Variants in ETS1 observed in about 807,000 individuals in gnomAD.
ETS1 encodes ETS proto-oncogene 1, transcription factor, also known as protein C-ets-1.
In ETS1, 15 loss-of-function variants were observed where a neutral mutation model predicts 58.6. The observed-to-expected ratio is 0.26, with a 90% CI of 0.17 to 0.39. The LOEUF is 0.39. Among genes scored for constraint, ETS1 ranks in the 10% least tolerant of loss-of-function variants. The pLI, the probability that ETS1 is intolerant of heterozygous loss-of-function variation, is 1.00. For missense variants in ETS1, 417 were observed against 610.5 expected (o/e 0.68, Z 3.34); for synonymous variants, 214 against 218.2 (o/e 0.98, Z 0.17).
chr11:128,555,215 G>A (rs1392726406), intron 3 of ETS1, among the ~76,000 whole-genome samples: 7 of 152,148 alleles, frequency 4.6e-5, no homozygotes, highest in African/African-American at 1.7e-4. Context: ...ACAGCCCATG[G>A]AGTGCCACAG....
At position 128,464,867 on chromosome 11, in the gene ETS1, G is replaced by A. The variant is rs981608921; in HGVS notation, c.1124-1240C>T. 5.3e-5 allele frequency among the ~76,000 whole-genome samples: 8 copies of A among 152,104 alleles called. No individual in the cohort carries two copies. The highest frequency in any genetic ancestry group is 3.2e-3 in the Middle Eastern group (1 of 316). Reference sequence around the variant, plus strand: ...TCTACAAGACATTTTCACATGCATCGTTGTGCTTGCTCCTAAAATCCACAC... The same window carrying A: ...TCTACAAGACATTTTCACATGCATCATTGTGCTTGCTCCTAAAATCCACAC... On this transcript the variant is annotated intron_variant, in intron 8 of 9. Coordinates refer to ENST00000392668, the MANE Select transcript of ETS1 (RefSeq NM_001143820.2). The surrounding 1 kb of genome is among the most constrained non-coding windows in gnomAD (Gnocchi z 4.1).
intron 1 of ETS1, among the ~76,000 whole-genome samples, chr11:128,578,439 C>T (rs948550935): frequency 1.3e-5 from 2 of 152,106 alleles, no homozygotes; most frequent in Admixed American, 6.5e-5. Context: ...AAAAACTACG[C>T]TTTTAGGTAA....
chr11:128,560,185 T>C (rs1864382578), intron 2 of ETS1, among the ~76,000 whole-genome samples: 1 of 152,046 alleles, frequency 6.6e-6, no homozygotes, highest in Admixed American at 6.5e-5. Context: ...CAATCTCGGC[T>C]CACTGCAACC....
At position 128,573,057 on chromosome 11, in the gene ETS1, C is replaced by T. The variant is rs372368590; in HGVS notation, c.69+5G>A. ...CAAAGGGGCAGGGAAGGGGCCACCA[C>T]TCACCACCACTGCAGGACGAGGCGC... On this transcript the variant is annotated splice_donor_5th_base_variant and intron_variant, in intron 2 of 9. Coordinates refer to ENST00000392668, the MANE Select transcript of ETS1 (RefSeq NM_001143820.2). The T allele has an allele frequency of 1.2e-6, 2 of 1,601,992 alleles. No individual in the cohort carries two copies. The highest frequency in any genetic ancestry group is 1.7e-5 in the Admixed American group (1 of 58,484).
Position 128,511,998 on chromosome 11 carries a change from T to C in ETS1, c.215-21422A>G, listed in dbSNP as rs970838530. The stretch of plus-strand genomic sequence containing the variant: ...AAATGCTACCAGATATAGCCAAGTA[T>C]TAAGATGAACTAGCAAACAATATGC... On this transcript the variant is annotated intron_variant, in intron 3 of 9. Transcript: ENST00000392668. Among the ~76,000 whole-genome samples, 16 of 152,324 alleles carry C rather than the reference T, an allele frequency of 1.1e-4. No individual in the cohort carries two copies. In the East Asian group the frequency reaches 3.1e-3, roughly 29 times the overall value.
intron 3 of ETS1, chr11:128,526,895 A>G (rs1863811266): frequency 4.4e-6 from 2 of 455,934 alleles, no homozygotes; most frequent in Admixed American, 4.7e-5. Context: ...ACCAGAGGTG[A>G]AAAATGAGTG....
chr11:128,585,101 AAGGAAGGAAGGAAGGAAAGAAAG>A (rs1864976679), intron 1 of ETS1, among the ~76,000 whole-genome samples: 1 of 28,898 alleles, frequency 3.5e-5, no homozygotes, highest in Non-Finnish European at 6.0e-5. Context: ...GAAAGAAAGA[AAGGAAGGAAGGAAGGAAAGAAAG>A]AAGAAAGAAA....
At chr11:128,544,367 A>ATATATATATATATATATATATG (rs1491442597) in intron 3 of ETS1, among the ~76,000 whole-genome samples, 6 of 143,606 alleles carry the variant, frequency 4.2e-5, no homozygotes, top group African/African-American at 1.5e-4. Context: ...ATATATATAT[A>ATATATATATATATATATATATG]TGGAATTTCC....
chr11:128,474,700 C>T (rs767665062), intron 8 of ETS1, among the ~76,000 whole-genome samples: 1 of 152,170 alleles, frequency 6.6e-6, no homozygotes, highest in Non-Finnish European at 1.5e-5. Context: ...AACCCAGCAC[C>T]GTGAATGGAA....
chr11:128,535,679 A>G (rs1863963203), intron 3 of ETS1, among the ~76,000 whole-genome samples: 1 of 152,204 alleles, frequency 6.6e-6, no homozygotes, highest in Non-Finnish European at 1.5e-5. Flanking sequence ...AAAATCACTC[A>G]CTGCCTGATG....
At chr11:128,528,726 G>T (rs1006596272) in intron 3 of ETS1, among the ~76,000 whole-genome samples, 1 of 152,026 alleles carries the variant, frequency 6.6e-6, no homozygotes, top group Non-Finnish European at 1.5e-5. Context: ...TGCCTAGTTC[G>T]GTCTGAAGTG....
chr11:128,523,744 T>C (rs530519161), intron 3 of ETS1, among the ~76,000 whole-genome samples: 2 of 152,322 alleles, frequency 1.3e-5, no homozygotes, highest in Non-Finnish European at 2.9e-5. Context: ...TATTTGTATG[T>C]GATAGTCCTA....
intron 3 of ETS1, among the ~76,000 whole-genome samples, chr11:128,553,023 G>C (rs1864256565): frequency 6.6e-6 from 1 of 151,046 alleles, no homozygotes; most frequent in Non-Finnish European, 1.5e-5. Flanking sequence ...GGCAGGGTCA[G>C]TGGCTCCACT....
intron 3 of ETS1, 62 bp from the exon 4 acceptor site, chr11:128,490,638 C>T (rs1394859512): frequency 1.5e-6 from 2 of 1,350,760 alleles, no homozygotes; most frequent in East Asian, 2.4e-5. Context: ...AATCATAAAA[C>T]ATTACAAATG....
intron 3 of ETS1, chr11:128,522,327 C>G (rs1031977373): frequency 5.8e-6 from 6 of 1,041,958 alleles, no homozygotes; most frequent in Non-Finnish European, 5.8e-6. Context: ...GCTCTCCCTC[C>G]CTCTCGCCCT....
intron 7 of ETS1, among the ~76,000 whole-genome samples, chr11:128,483,146 G>C (rs1862535612): frequency 6.6e-6 from 1 of 152,142 alleles, no homozygotes; most frequent in Admixed American, 6.5e-5. Flanking sequence ...AAGTTTCTGT[G>C]GCCTGAACTT....
intron 1 of ETS1, among the ~76,000 whole-genome samples, chr11:128,586,659 T>A (rs2135609223): frequency 6.6e-6 from 1 of 152,274 alleles, no homozygotes; most frequent in Non-Finnish European, 1.5e-5. Flanking sequence ...GATAAAGAAA[T>A]CCTGCAATAG....
At position 128,475,882 on chromosome 11, in the gene ETS1, T is replaced by TTGTGTGTGTG. The variant is rs61450075; in HGVS notation, c.1123+4299_1123+4308dup. Among the ~76,000 whole-genome samples, 614 of 149,892 alleles carry TTGTGTGTGTG rather than the reference T, an allele frequency of 4.1e-3. 7 individuals are homozygous for TTGTGTGTGTG. The highest frequency in any genetic ancestry group is 0.012 in the African/African-American group (470 of 40,786). On this transcript the variant is annotated intron_variant, in intron 8 of 9. Coordinates refer to ENST00000392668, the MANE Select transcript of ETS1 (RefSeq NM_001143820.2). Reference sequence around the variant, plus strand: ...TTCTTTTCCTGCAAGACTAGTACCTTTGTGTGTGTGTGTGTGTGTGTGATG... The same window carrying TTGTGTGTGTG: ...TTCTTTTCCTGCAAGACTAGTACCTTTGTGTGTGTGTGTGTGTGTGTGTGTGTGTGTGATG...
intron 3 of ETS1, among the ~76,000 whole-genome samples, chr11:128,534,581 G>A (rs897280268): frequency 1.5e-4 from 23 of 152,000 alleles, no homozygotes; most frequent in East Asian, 3.9e-4. Context: ...CTCTTTCCCC[G>A]TACCCCTCCA....
Sources: gnomAD v4.1 joint callset for allele counts (sites outside exome capture counted in the v4.1 genomes callset) on GRCh38, gnomAD v4.1.1 for gene constraint, Gnocchi (gnomAD v3.1) non-coding constraint, MANE v1.5 for transcripts, NCBI Gene and HGNC (gene_info 2026-07-23, HGNC 2026-07-21) for gene names.